ACSS2: variants seen among roughly 807,000 people sequenced by gnomAD.
ACSS2 encodes acyl-CoA synthetase short chain family member 2.
A neutral mutation model predicts 90.6 loss-of-function variants in ACSS2; 58 were observed. The ratio of observed to expected loss-of-function variants is 0.64; its 90% CI spans 0.52 to 0.80. The LOEUF is 0.80. Ranked by LOEUF, ACSS2 falls within the 30% of genes least tolerant of loss-of-function variation. The pLI, the probability that ACSS2 is intolerant of heterozygous loss-of-function variation, is 0.00. For missense variants in ACSS2, 759 were observed against 912.0 expected (o/e 0.83, Z 2.16); for synonymous variants, 300 against 330.9 (o/e 0.91, Z 1.01).
Position 34,909,074 on chromosome 20 carries a change from C to T in ACSS2, c.375-4022C>T, listed in dbSNP as rs181052329. ...TGAAATAGCTCTTTAAGCTTGGCACCGTGGCTCACACCTGTAATCCCAACA... is the reference window on the plus strand; with the variant it reads ...TGAAATAGCTCTTTAAGCTTGGCACTGTGGCTCACACCTGTAATCCCAACA... On this transcript the variant is annotated intron_variant, in intron 2 of 17. Coordinates refer to ENST00000360596, the MANE Select transcript of ACSS2 (RefSeq NM_018677.4). 2.8e-3 allele frequency: 940 copies of T among 338,350 alleles called. 7 individuals carry two copies. The highest frequency in any genetic ancestry group is 3.7e-3 in the Non-Finnish European group (644 of 174,322). 21.0% of individuals were successfully genotyped at this position (338,350 alleles called of 1,614,324 possible).
chr20:34,921,278 G>A (rs767264908), intron 10 of ACSS2, 52 bp from the exon 11 acceptor site: 51 of 1,610,778 alleles, frequency 3.2e-5, no homozygotes, highest in Non-Finnish European at 4.3e-5. Flanking sequence ...CTGGGTATGT[G>A]TGTCTTCCAG....
At chr20:34,918,099 T>C (rs546073287) in intron 7 of ACSS2, among the ~76,000 whole-genome samples, 1 of 152,304 alleles carries the variant, frequency 6.6e-6, no homozygotes, top group Non-Finnish European at 1.5e-5. Flanking sequence ...TGAACTAACC[T>C]CTGTCTCTCC....
intron 2 of ACSS2, among the ~76,000 whole-genome samples, chr20:34,898,302 G>A (rs1165372529): frequency 6.6e-6 from 1 of 152,196 alleles, no homozygotes; most frequent in Non-Finnish European, 1.5e-5. Flanking sequence ...GATTGGTAGA[G>A]CCAAGTGGTC....
chr20:34,923,270 T>G, intron 13 of ACSS2, 53 bp from the exon 14 acceptor site: 1 of 1,275,508 alleles, frequency 7.8e-7, no homozygotes, highest in South Asian at 1.2e-5. Context: ...TGTAATTATC[T>G]TCCAGTGAGA....
At chr20:34,895,441 A>G (rs1386949540) in intron 2 of ACSS2, among the ~76,000 whole-genome samples, 3 of 152,230 alleles carry the variant, frequency 2.0e-5, no homozygotes, top group Non-Finnish European at 1.5e-5. Context: ...TGACTCTGTG[A>G]TAACTGTTTC....
At chr20:34,899,667 T>C (rs2080598314) in intron 2 of ACSS2, among the ~76,000 whole-genome samples, 1 of 151,954 alleles carries the variant, frequency 6.6e-6, no homozygotes, top group Admixed American at 6.6e-5. Context: ...TTTTGTATTT[T>C]TAGTAGAGAC....
chr20:34,909,856 A>G (rs978173328), intron 2 of ACSS2, among the ~76,000 whole-genome samples: 1 of 151,776 alleles, frequency 6.6e-6, no homozygotes, highest in African/African-American at 2.4e-5. Context: ...AGCTGGGACT[A>G]CAGGCGTGCA....
intron 11 of ACSS2, 40 bp downstream of exon 11, chr20:34,921,502 G>A (rs764703433): frequency 6.2e-7 from 1 of 1,614,220 alleles, no homozygotes; most frequent in Non-Finnish European, 8.5e-7. Flanking sequence ...CAGGGACAAT[G>A]TGGGAAGATT....
intron 7 of ACSS2, 51 bp downstream of exon 7, chr20:34,914,488 T>C (rs1209319687): frequency 6.7e-7 from 1 of 1,497,338 alleles, no homozygotes; most frequent in African/African-American, 1.4e-5. Flanking sequence ...CCTTCACTTT[T>C]CCTGCCTAGA....
intron 2 of ACSS2, among the ~76,000 whole-genome samples, chr20:34,892,276 C>T (rs116481762): frequency 5.8e-4 from 89 of 152,302 alleles, no homozygotes; most frequent in African/African-American, 2.1e-3. Flanking sequence ...ACAATTAACT[C>T]AGAAGGCGTG....
intron 2 of ACSS2, among the ~76,000 whole-genome samples, chr20:34,892,875 C>T (rs2080367514): frequency 6.6e-6 from 1 of 152,156 alleles, no homozygotes. Flanking sequence ...TTGAAAACCC[C>T]TGATCTAGTC....
chr20:34,913,968 C>T, intron 5 of ACSS2, 128 bp from the exon 6 acceptor site: 1 of 1,353,552 alleles, frequency 7.4e-7, no homozygotes, highest in Admixed American at 1.8e-5. Flanking sequence ...TCAGCTGACC[C>T]TCTGTCAGCT....
intron 2 of ACSS2, among the ~76,000 whole-genome samples, chr20:34,900,051 TG>T: frequency 6.6e-6 from 1 of 152,308 alleles, no homozygotes; most frequent in East Asian, 1.9e-4. Flanking sequence ...TTCCAATTTC[TG>T]CACATGCTTG....
upstream of ACSS2, among the ~76,000 whole-genome samples, chr20:34,875,665 AG>A (rs570462279): frequency 9.8e-5 from 15 of 152,370 alleles, no homozygotes; most frequent in South Asian, 3.1e-3. Context: ...AAGCCTGACG[AG>A]GAAGTAAAAC....
intron 2 of ACSS2, among the ~76,000 whole-genome samples, chr20:34,895,460 G>C (rs1466735935): frequency 6.6e-6 from 1 of 152,182 alleles, no homozygotes; most frequent in Non-Finnish European, 1.5e-5. Flanking sequence ...TCACTTCTGA[G>C]TTGTAATTCT....
At chr20:34,892,080 T>C (rs574402978) in intron 2 of ACSS2, among the ~76,000 whole-genome samples, 1 of 152,322 alleles carries the variant, frequency 6.6e-6, no homozygotes, top group African/African-American at 2.4e-5. Context: ...ACAAGACTCT[T>C]TTTTAAGTTA....
At position 34,920,700 on chromosome 20, in the gene ACSS2, C is replaced by T. The variant is rs1413267607; in HGVS notation, c.1134C>T (p.Thr378=). The T allele has an allele frequency of 6.2e-7, 1 of 1,611,602 alleles. No individual in the cohort carries two copies. The highest frequency in any genetic ancestry group is 1.7e-5 in the Admixed American group (1 of 59,790). ...VTYGPLANGA[T]SVLFEGIPTY... ...ATGGGCCACTGGCCAATGGTGCCAC[C>T]AGTGTTTTGGTGAGAAGGGAGCCAC... Residue 378 remains threonine, a synonymous_variant, in exon 9 of 18, where the codon ACC becomes ACT. Transcript: ENST00000360596.
intron 2 of ACSS2, among the ~76,000 whole-genome samples, chr20:34,893,417 G>C (rs1012173923): frequency 6.6e-6 from 1 of 152,112 alleles, no homozygotes; most frequent in African/African-American, 2.4e-5. Context: ...TTGTTGCCCA[G>C]GCTGGAGTGC....
Position 34,921,563 on chromosome 20 carries a change from C to A in ACSS2, c.1430C>A (p.Pro477His), listed in dbSNP as rs779038706. 1 of 1,614,076 alleles carries A rather than the reference C, an allele frequency of 6.2e-7. No individual in the cohort carries two copies. Among genetic ancestry groups the A allele is most frequent in the African/African-American group, 1.3e-5 (1 of 74,920 alleles). Residue 477 changes from proline (P) to histidine (H), a missense_variant, in exon 12 of 18, where the codon CCC becomes CAC. By Grantham distance (77) the Pro-to-His change is moderately conservative. Transcript: ENST00000360596. ...CCCCAGGGTGGCCACATGTTGACTC[C>A]CCTTCCTGGTGCCACACCCATGAAA... Reference protein sequence around the residue: ...QTETGGHMLTPLPGATPMKPG... With the variant: ...QTETGGHMLTHLPGATPMKPG...
Sources: allele counts gnomAD v4.1 joint callset (sites outside exome capture counted in the v4.1 genomes callset), GRCh38; gene constraint gnomAD v4.1.1; transcripts MANE v1.5; gene names NCBI Gene and HGNC (gene_info 2026-07-23, HGNC 2026-07-21).